The following TANK variants were observed in gnomAD, a reference collection of about 807,000 sequenced individuals.
TANK encodes TRAF family member associated NFKB activator, also known as TRAF family member-associated NF-kappa-B activator.
In TANK, 15 loss-of-function variants were observed where a neutral mutation model predicts 43.6. That is an observed-to-expected ratio of 0.34 (90% CI 0.23 to 0.53). TANK has a LOEUF of 0.53. TANK is among the 20% of genes least tolerant of loss of function. TANK has a pLI of 0.94. For synonymous variants in TANK, 162 were observed against 178.2 expected (o/e 0.91, Z 0.73); for missense variants, 417 against 498.6 (o/e 0.84, Z 1.56).
chr2:161,173,941 G>A (rs1685066555), intron 1 of TANK, among the ~76,000 whole-genome samples: 1 of 152,158 alleles, frequency 6.6e-6, no homozygotes, highest in South Asian at 2.1e-4. Context: ...GGGAAAAAAG[G>A]TGAAAGGGAA....
chr2:161,199,244 ATTTC>A (rs1686295905), intron 2 of TANK, among the ~76,000 whole-genome samples: 1 of 151,344 alleles, frequency 6.6e-6, no homozygotes, highest in South Asian at 2.1e-4. Context: ...AATTGGGACT[ATTTC>A]TTTTTTTTTT....
intron 2 of TANK, among the ~76,000 whole-genome samples, chr2:161,186,560 A>G (rs1391360456): frequency 6.6e-6 from 1 of 152,226 alleles, no homozygotes; most frequent in Non-Finnish European, 1.5e-5. Context: ...ATTAAAGATT[A>G]TATATAAGAC....
chr2:161,227,487 C>T (rs958810041), intron 6 of TANK, among the ~76,000 whole-genome samples: 1 of 152,102 alleles, frequency 6.6e-6, no homozygotes, highest in African/African-American at 2.4e-5. Flanking sequence ...AGTTGTGTGG[C>T]CTTTGAATTA....
rs1688139898 is a variant in TANK at position 161,235,576 on chromosome 2, T to C, written c.*58T>C. 1.5e-6 allele frequency: 2 copies of C among 1,315,964 alleles called. No individual in the cohort carries two copies. The highest frequency in any genetic ancestry group is 2.6e-5 in the East Asian group (1 of 39,190). 81.5% of individuals were successfully genotyped at this position (1,315,964 alleles called of 1,614,324 possible). A position where few individuals can be genotyped will look rare whatever the true frequency, so the allele number is the denominator to read the frequency against. Reference sequence around the variant, plus strand: ...TGTGATGATTTTGGGTTTTTAATACTATAAATACTTGATTGTAAACTAAAT... The same window carrying C: ...TGTGATGATTTTGGGTTTTTAATACCATAAATACTTGATTGTAAACTAAAT... On this transcript the variant is annotated 3_prime_UTR_variant, in exon 8 of 8. Coordinates refer to ENST00000392749, the MANE Select transcript of TANK (RefSeq NM_001199135.3).
chr2:161,144,422 C>T (rs541355522), intron 1 of TANK, among the ~76,000 whole-genome samples: 2 of 152,158 alleles, frequency 1.3e-5, no homozygotes, highest in Non-Finnish European at 2.9e-5. Context: ...TCAGTTCTAG[C>T]TTTCTGATGT....
intron 1 of TANK, among the ~76,000 whole-genome samples, chr2:161,174,507 C>T (rs1685093322): frequency 6.6e-6 from 1 of 152,114 alleles, no homozygotes; most frequent in African/African-American, 2.4e-5. Context: ...TAAGACAAAG[C>T]AGCTACTGTT....
At chr2:161,153,950 A>G (rs989023773) in intron 1 of TANK, among the ~76,000 whole-genome samples, 1 of 152,190 alleles carries the variant, frequency 6.6e-6, no homozygotes, top group African/African-American at 2.4e-5. Flanking sequence ...TACAATCATC[A>G]TGCTTTAGCT....
At chr2:161,204,062 T>C (rs1226127868) in intron 3 of TANK, among the ~76,000 whole-genome samples, 3 of 152,152 alleles carry the variant, frequency 2.0e-5, no homozygotes, top group Non-Finnish European at 4.4e-5. Flanking sequence ...GTGATGATAA[T>C]AGGTATTAAC....
At chr2:161,188,853 G>C (rs1411255245) in intron 2 of TANK, among the ~76,000 whole-genome samples, 2 of 152,186 alleles carry the variant, frequency 1.3e-5, no homozygotes, top group Non-Finnish European at 2.9e-5. Flanking sequence ...TAGGCCATGA[G>C]GTCTCTGCCC....
intron 1 of TANK, among the ~76,000 whole-genome samples, chr2:161,172,871 G>C (rs1685014463): frequency 6.6e-6 from 1 of 151,950 alleles, no homozygotes; most frequent in African/African-American, 2.4e-5. Context: ...TATTTCCCCT[G>C]CTCTAGTTCA....
In TANK at chr2:161,144,375, C is replaced by T. The variant is rs528738906; in HGVS notation, c.-50+7312C>T. ...GTTTTGGATTTGTTTGCTCTTGCTTCTCTAGCTCTTTTAATTGTGATGTTA... is the reference window on the plus strand; with the variant it reads ...GTTTTGGATTTGTTTGCTCTTGCTTTTCTAGCTCTTTTAATTGTGATGTTA... On this transcript the variant is annotated intron_variant, in intron 1 of 7. Transcript: ENST00000259075. Among the ~76,000 whole-genome samples the T allele has an allele frequency of 7.9e-5, 12 of 152,244 alleles. No homozygotes were observed. The East Asian group carries it at 1.4e-3, about 17-fold the overall frequency.
chr2:161,179,293 C>T (rs114210331), intron 1 of TANK, among the ~76,000 whole-genome samples: 2,095 of 152,192 alleles, frequency 0.014, 52 homozygotes, highest in African/African-American at 0.048. Flanking sequence ...TCCTATTGTA[C>T]ATTTCCATAA....
At chr2:161,223,781 G>C in intron 4 of TANK, 134 bp from the exon 5 acceptor site, 1 of 550,910 alleles carries the variant, frequency 1.8e-6, no homozygotes. Flanking sequence ...TTACATATAG[G>C]TCTATAAGCT....
chr2:161,145,029 T>C (rs892548779), intron 1 of TANK, among the ~76,000 whole-genome samples: 6 of 152,126 alleles, frequency 3.9e-5, no homozygotes, highest in African/African-American at 1.4e-4. Context: ...TCTTGTTGCA[T>C]TGATCCCTTT....
chr2:161,202,911 C>T, intron 2 of TANK: 2 of 460,368 alleles, frequency 4.3e-6, no homozygotes, highest in Non-Finnish European at 9.0e-6. Context: ...ATAAGGGAAA[C>T]TGGCATTTAA....
chr2:161,161,152 A>G, intron 1 of TANK: 1 of 1,428,112 alleles, frequency 7.0e-7, no homozygotes, highest in Non-Finnish European at 9.2e-7. Context: ...AGTTACAGGC[A>G]AAAAAGCTGT....
chr2:161,139,365 G>C (rs555439704), intron 1 of TANK, among the ~76,000 whole-genome samples: 2 of 152,112 alleles, frequency 1.3e-5, no homozygotes, highest in African/African-American at 4.8e-5. Context: ...GTTTACTAGA[G>C]GCTTATTTAA....
At chr2:161,211,279 C>T (rs1686875476) in intron 4 of TANK, among the ~76,000 whole-genome samples, 1 of 152,162 alleles carries the variant, frequency 6.6e-6, no homozygotes, top group African/African-American at 2.4e-5. Context: ...CATTCCCATC[C>T]TTACACTGTT....
intron 2 of TANK, among the ~76,000 whole-genome samples, chr2:161,183,928 T>C (rs993546794): frequency 9.9e-5 from 15 of 152,228 alleles, no homozygotes; most frequent in African/African-American, 3.6e-4. Context: ...ATTACTATAG[T>C]GTATTTTGTA....
Sources: allele counts gnomAD v4.1 joint callset (sites outside exome capture counted in the v4.1 genomes callset), GRCh38; gene constraint gnomAD v4.1.1; transcripts MANE v1.5; gene names NCBI Gene and HGNC (gene_info 2026-07-23, HGNC 2026-07-21).